Variants in POLA1 observed in about 807,000 individuals in gnomAD.
The protein encoded by POLA1 is DNA polymerase alpha 1, catalytic subunit.
A neutral mutation model predicts 124.0 loss-of-function variants in POLA1; 15 were observed. The observed-to-expected ratio is 0.12, with a 90% CI of 0.08 to 0.19. POLA1 has a LOEUF of 0.19. POLA1 is among the 10% of genes least tolerant of loss of function. POLA1 has a pLI of 1.00. For missense variants in POLA1, 886 were observed against 1,103.4 expected (o/e 0.80, Z 2.79); for synonymous variants, 408 against 389.4 (o/e 1.05, Z -0.56).
intron 36 of POLA1, among the ~76,000 whole-genome samples, chrX:24,990,952 T>C (rs1310473604): frequency 1.8e-5 from 2 of 112,176 alleles, no homozygotes; most frequent in Non-Finnish European, 3.8e-5. Context: ...TCAGTGATGA[T>C]GACATGATTG....
At position 24,996,074 on chromosome X, in the gene POLA1, T is replaced by A; in HGVS notation, c.*124T>A. 1.7e-6 allele frequency: 1 copy of A among 605,670 alleles called. No homozygotes were observed. Among genetic ancestry groups the A allele is most frequent in the South Asian group, 3.4e-5 (1 of 29,288 alleles). The allele number at this position is 605,670 out of a possible 1,213,427, so 49.9% of individuals were successfully genotyped here. On this transcript the variant is annotated 3_prime_UTR_variant, in exon 37 of 37. Transcript: ENST00000379068. Reference sequence around the variant, plus strand: ...CCCTTGGGACTGTGTCTCATGTTTGTGTGAATGTAGACCAGGAAAGGGGGC... The same window carrying A: ...CCCTTGGGACTGTGTCTCATGTTTGAGTGAATGTAGACCAGGAAAGGGGGC...
chrX:24,951,346 C>A (rs1285883631), intron 36 of POLA1, among the ~76,000 whole-genome samples: 4 of 14,359 alleles, frequency 2.8e-4, no homozygotes, highest in African/African-American at 1.7e-3. Flanking sequence ...CCTCCCTACC[C>A]CCCCCCCCCC....
intron 35 of POLA1, among the ~76,000 whole-genome samples, chrX:24,924,037 T>C (rs1301121055): frequency 8.9e-6 from 1 of 112,199 alleles, no homozygotes; most frequent in African/African-American, 3.2e-5. Context: ...TAGCAGTTTT[T>C]AATGCATTCA....
At chrX:24,813,334 C>T (rs978082638) in intron 29 of POLA1, among the ~76,000 whole-genome samples, 10 of 111,126 alleles carry the variant, frequency 9.0e-5, no homozygotes, top group African/African-American at 3.3e-4. Context: ...TGTTCCCACC[C>T]GTATGATTTG....
chrX:24,757,051 T>TA (rs1163974391), intron 26 of POLA1, among the ~76,000 whole-genome samples: 3 of 111,507 alleles, frequency 2.7e-5, no homozygotes, highest in African/African-American at 9.8e-5. Context: ...TATGAAGGTT[T>TA]AATGTATTTT....
At chrX:24,695,556 C>A (rs1341619373) in intron 1 of POLA1, among the ~76,000 whole-genome samples, 2 of 111,268 alleles carry the variant, frequency 1.8e-5, no homozygotes, top group Non-Finnish European at 3.8e-5. Flanking sequence ...TCTCAGCTGG[C>A]TGCAACCTCT....
chrX:24,768,412 C>G (rs1043670570), intron 26 of POLA1, among the ~76,000 whole-genome samples: 2 of 111,822 alleles, frequency 1.8e-5, no homozygotes, highest in Non-Finnish European at 3.8e-5. Flanking sequence ...ATGCCATGCA[C>G]CACAGCTCAA....
At chrX:24,885,715 G>A (rs1435205904) in intron 34 of POLA1, among the ~76,000 whole-genome samples, 2 of 111,240 alleles carry the variant, frequency 1.8e-5, no homozygotes, top group Non-Finnish European at 1.9e-5. Flanking sequence ...TAGTAGAGAC[G>A]GGGTTTCACC....
At chrX:24,879,275 C>G (rs1311152155) in intron 34 of POLA1, among the ~76,000 whole-genome samples, 2 of 111,312 alleles carry the variant, frequency 1.8e-5, no homozygotes, top group Admixed American at 9.5e-5. Context: ...TCCTCCTTTC[C>G]CTTGTTGAAA....
chrX:24,852,457 C>T (rs779674228), intron 34 of POLA1, among the ~76,000 whole-genome samples: 4 of 110,318 alleles, frequency 3.6e-5, no homozygotes, highest in East Asian at 2.8e-4. Context: ...ATTACAGGCG[C>T]GTGCCACCAC....
intron 26 of POLA1, among the ~76,000 whole-genome samples, chrX:24,761,618 G>A (rs987896149): frequency 8.9e-6 from 1 of 112,093 alleles, no homozygotes; most frequent in African/African-American, 3.2e-5. Context: ...GGACTGCATG[G>A]CACGATGTGA....
chrX:24,866,727 A>AG (rs1248209161), intron 34 of POLA1, among the ~76,000 whole-genome samples: 1 of 112,285 alleles, frequency 8.9e-6, no homozygotes, highest in African/African-American at 3.2e-5. Context: ...TTCAAGCAAA[A>AG]GCACTTTTAT....
chrX:24,939,122 C>T (rs1393896461), intron 36 of POLA1, among the ~76,000 whole-genome samples: 1 of 112,050 alleles, frequency 8.9e-6, no homozygotes, highest in African/African-American at 3.2e-5. Context: ...GTTCCTTTCC[C>T]CTTTTATAGT....
chrX:24,773,249 A>G (rs1008155764), intron 26 of POLA1, among the ~76,000 whole-genome samples: 23 of 112,547 alleles, frequency 2.0e-4, no homozygotes, highest in African/African-American at 6.8e-4. Flanking sequence ...TTGCAGAACA[A>G]CTATACTCTG....
intron 4 of POLA1, among the ~76,000 whole-genome samples, chrX:24,706,739 C>T (rs1462551581): frequency 8.9e-6 from 1 of 111,740 alleles, no homozygotes; most frequent in Non-Finnish European, 1.9e-5. Context: ...TGTTATATAT[C>T]CTAAGGGTCT....
chrX:24,880,912 GC>G (rs2046993235), intron 34 of POLA1, among the ~76,000 whole-genome samples: 2 of 111,750 alleles, frequency 1.8e-5, no homozygotes, highest in African/African-American at 3.3e-5. Context: ...TGAACTCAAA[GC>G]ATGCATGCTG....
At chrX:24,910,880 A>G (rs1241174827) in intron 35 of POLA1, among the ~76,000 whole-genome samples, 3 of 112,146 alleles carry the variant, frequency 2.7e-5, no homozygotes, top group African/African-American at 9.7e-5. Flanking sequence ...AGAACTGACA[A>G]TCTGATTAAT....
At position 24,695,665 on chromosome X, in the gene POLA1, A is replaced by G. The variant is rs1194075978; in HGVS notation, c.43+1661A>G. 2.7e-5 allele frequency among the ~76,000 whole-genome samples: 3 copies of G among 110,495 alleles called. No individual in the cohort carries two copies. The South Asian group carries it at 1.2e-3, about 43-fold the overall frequency. On this transcript the variant is annotated intron_variant, in intron 1 of 36. Coordinates refer to ENST00000379068, the MANE Select transcript of POLA1 (RefSeq NM_001330360.2). Reference sequence around the variant, plus strand: ...CTAATTTTTTGTATTTTCAGTAGAGACAGGGTTTCACCATGTTGGCCAGGC... The same window carrying G: ...CTAATTTTTTGTATTTTCAGTAGAGGCAGGGTTTCACCATGTTGGCCAGGC...
chrX:24,879,301 C>T (rs1601829856), intron 34 of POLA1, among the ~76,000 whole-genome samples: 1 of 111,726 alleles, frequency 9.0e-6, no homozygotes, highest in Admixed American at 9.5e-5. Context: ...ATGTGCCTTA[C>T]CTGACACATC....
Sources: gnomAD v4.1 joint callset for allele counts (sites outside exome capture counted in the v4.1 genomes callset) on GRCh38, gnomAD v4.1.1 for gene constraint, MANE v1.5 for transcripts, NCBI Gene and HGNC (gene_info 2026-07-23, HGNC 2026-07-21) for gene names.